JAKMIP3: variants seen among roughly 807,000 people sequenced by gnomAD.
JAKMIP3 encodes the protein janus kinase and microtubule-interacting protein 3.
A neutral mutation model predicts 118.5 loss-of-function variants in JAKMIP3; 58 were observed. The observed-to-expected ratio is 0.49, with a 90% CI of 0.40 to 0.61. The LOEUF (loss-of-function observed/expected upper bound fraction) is 0.61, where lower values mean the gene tolerates loss of function less well. Among genes scored for constraint, JAKMIP3 ranks in the 20% least tolerant of loss-of-function variants. JAKMIP3 has a pLI of 0.00. For synonymous variants in JAKMIP3, 486 were observed against 451.2 expected (o/e 1.08, Z -0.98); for missense variants, 950 against 1,109.0 (o/e 0.86, Z 2.04).
chr10:132,104,867 C>G lies in JAKMIP3; in HGVS notation c.59C>G (p.Ala20Gly), dbSNP rs756701841. The G allele has an allele frequency of 5.1e-6, 8 of 1,563,168 alleles. No homozygotes were observed. The highest frequency in any genetic ancestry group is 6.9e-6 in the Non-Finnish European group (8 of 1,154,388). Residue 20 changes from alanine to glycine, a missense_variant, in exon 2 of 24, where the codon GCG becomes GGG. Physicochemically the swap from Ala to Gly is moderately conservative, Grantham distance 60. Transcript: ENST00000684848. ...AKGDKAEALA[A>G]LQAANEDLRA... ...GGGGACAAGGCAGAGGCCCTCGCGG[C>G]GCTGCAGGCGGCCAACGAGGATCTT...
At chr10:132,175,846 T>C (rs1399866461) in intron 23 of JAKMIP3, among the ~76,000 whole-genome samples, 3 of 152,222 alleles carry the variant, frequency 2.0e-5, no homozygotes, top group Non-Finnish European at 4.4e-5. Flanking sequence ...AAATGTGTAA[T>C]GCTCTGCATC....
Position 132,184,420 on chromosome 10 carries a change from AGT to A in JAKMIP3, c.*3174_*3175del, listed in dbSNP as rs1436563813. ...TCCCATCCTTGAAACCCTGAGAGAG[AGT>A]GTGTGTTTTATCACAGTAATGGAAT... On this transcript the variant is annotated 3_prime_UTR_variant, in exon 24 of 24. Coordinates refer to ENST00000684848, the MANE Select transcript of JAKMIP3 (RefSeq NM_001323087.2). 2 of 152,132 alleles carry A rather than the reference AGT, an allele frequency of 1.3e-5. No homozygotes were observed. The highest frequency in any genetic ancestry group is 1.9e-4 in the East Asian group (1 of 5,194). 9.4% of individuals were successfully genotyped at this position (152,132 alleles called of 1,614,324 possible). A position where few individuals can be genotyped will look rare whatever the true frequency, so the allele number is the denominator to read the frequency against.
At chr10:132,089,122 A>G (rs1484828938) in intron 1 of JAKMIP3, among the ~76,000 whole-genome samples, 1 of 152,148 alleles carries the variant, frequency 6.6e-6, no homozygotes, top group Non-Finnish European at 1.5e-5. Context: ...CTTGTAGTAT[A>G]GTTTGAAGTC....
chr10:132,180,788 T>TGTGTGCGTGTGCGTGTGTGCGC (rs1491365450), intron 23 of JAKMIP3, among the ~76,000 whole-genome samples: 1 of 10,730 alleles, frequency 9.3e-5, no homozygotes, highest in Non-Finnish European at 1.9e-4. Context: ...TGTGTGCGCG[T>TGTGTGCGTGTGCGTGTGTGCGC]ATGCATGTGC....
chr10:132,067,606 TGTGGG>T (rs1432036928), intron 1 of JAKMIP3, among the ~76,000 whole-genome samples: 127 of 34,632 alleles, frequency 3.7e-3, no homozygotes, highest in African/African-American at 0.011. Context: ...CCGTGTGGAC[TGTGGG>T]CTTCCGTGTG....
intron 16 of JAKMIP3, among the ~76,000 whole-genome samples, chr10:132,151,642 G>C (rs1230096914): frequency 6.6e-6 from 1 of 152,238 alleles, no homozygotes; most frequent in Non-Finnish European, 1.5e-5. Context: ...AGTCCCCAAA[G>C]GCACTGCCCA....
rs748120870 is a variant in JAKMIP3, at chr10:132,164,741, A to G, written c.2490+6A>G. 1.9e-6 allele frequency: 3 copies of G among 1,596,156 alleles called. No individual in the cohort carries two copies. Among genetic ancestry groups the G allele is most frequent in the Non-Finnish European group, 2.6e-6 (3 of 1,163,922 alleles). On this transcript the variant is annotated splice_donor_region_variant and intron_variant, in intron 21 of 23. Transcript: ENST00000684848. ...TAAAGGAACTGGAGGAAAAGGTAAA[A>G]CAAATGCAGTTTTGGGGGTTGCTTG...
At chr10:132,134,153 T>C (rs2637642) in intron 4 of JAKMIP3, among the ~76,000 whole-genome samples, 58,686 of 152,088 alleles carry the variant, frequency 0.39, 12,320 homozygotes, top group Non-Finnish European at 0.48. Flanking sequence ...GGTTCTGGGA[T>C]GCGCTGGGGG....
chr10:132,063,571 T>G (rs1388396831), upstream of JAKMIP3, among the ~76,000 whole-genome samples: 1 of 152,190 alleles, frequency 6.6e-6, no homozygotes, highest in African/African-American at 2.4e-5. Flanking sequence ...GAACGCCGGG[T>G]GTCAGCCCGG....
Position 132,152,999 on chromosome 10 carries a change from G to A in JAKMIP3, c.2049G>A (p.Arg683=), listed in dbSNP as rs750968634. ...AGCAGGTGGTTGTCATACAAGCCAGGACAGTCCTGACCTTGGCCGAAAAGG... is the reference window on the plus strand; with the variant it reads ...AGCAGGTGGTTGTCATACAAGCCAGAACAGTCCTGACCTTGGCCGAAAAGG... ...NEEQVVVIQA[R]TVLTLAEKWL... is the part of the protein sequence containing the mutation. The change falls in exon 17 of 24, where the codon AGG becomes AGA. Residue 683 remains arginine, a synonymous_variant. Transcript: ENST00000684848. 2 of 1,609,220 alleles carry A rather than the reference G, an allele frequency of 1.2e-6. No individual in the cohort carries two copies. Among genetic ancestry groups the A allele is most frequent in the Admixed American group, 3.4e-5 (2 of 59,518 alleles).
intron 22 of JAKMIP3, 78 bp from the exon 23 acceptor site, chr10:132,167,875 T>TCGCCCCA: frequency 7.7e-6 from 8 of 1,036,704 alleles, no homozygotes; most frequent in Non-Finnish European, 1.0e-5. Context: ...CCCTCGCCCC[T>TCGCCCCA]CGCCCCTCGG....
chr10:132,037,883 C>G (rs1028792529), intron 1 of JAKMIP3, among the ~76,000 whole-genome samples: 1 of 152,236 alleles, frequency 6.6e-6, no homozygotes, highest in African/African-American at 2.4e-5. Flanking sequence ...TGCTCTGGGG[C>G]TGTAGAGAAC....
chr10:132,157,328 G>A lies in JAKMIP3; in HGVS notation c.2220+3338G>A, dbSNP rs76031248. ...TCACCTGACTGTGCACAGCCAGGGC[G>A]CTTCCCACCAGCCCAAGGAGTGACT... On this transcript the variant is annotated intron_variant, in intron 19 of 23. Coordinates refer to ENST00000684848, the MANE Select transcript of JAKMIP3 (RefSeq NM_001323087.2). 9.6e-3 allele frequency among the ~76,000 whole-genome samples: 1,460 copies of A among 152,168 alleles called. 25 individuals are homozygous for A. Among genetic ancestry groups the A allele is most frequent in the African/African-American group, 0.031 (1,267 of 41,518 alleles).
In JAKMIP3 at chr10:132,127,054, T is replaced by A. The variant is rs2049703738; in HGVS notation, c.634-6258T>A. Reference sequence around the variant, plus strand: ...TGTTTGGAAAATTCACCAGTGAAGCTATTTGGGTCAGGAGTTTTGTGATAT... The same window carrying A: ...TGTTTGGAAAATTCACCAGTGAAGCAATTTGGGTCAGGAGTTTTGTGATAT... On this transcript the variant is annotated intron_variant, in intron 3 of 23. Transcript: ENST00000684848. Among the ~76,000 whole-genome samples, 2 of 152,160 alleles carry A rather than the reference T, an allele frequency of 1.3e-5. 1 individual carries two copies. The highest frequency in any genetic ancestry group is 4.1e-4 in the South Asian group (2 of 4,828).
intron 1 of JAKMIP3, among the ~76,000 whole-genome samples, chr10:132,099,444 G>A (rs529963817): frequency 1.3e-5 from 2 of 152,274 alleles, no homozygotes; most frequent in South Asian, 4.2e-4. Flanking sequence ...TAGGCAATCT[G>A]CACTGTTAAT....
At chr10:132,064,111 C>A (rs565753475), upstream of JAKMIP3, among the ~76,000 whole-genome samples, 1 of 152,140 alleles carries the variant, frequency 6.6e-6, no homozygotes, top group Non-Finnish European at 1.5e-5. This position sits in a 1 kb window ranked among gnomAD's most constrained non-coding sequence, Gnocchi z 4.4. Flanking sequence ...GACGTATGTG[C>A]GTTTCCCATC....
chr10:132,173,006 T>TCCTTCC (rs2059683659), intron 23 of JAKMIP3, among the ~76,000 whole-genome samples: 1 of 16,894 alleles, frequency 5.9e-5, no homozygotes. Context: ...CTTCCCTCTC[T>TCCTTCC]CTCTCTCTCC....
chr10:132,151,413 G>C (rs550408434), intron 16 of JAKMIP3, among the ~76,000 whole-genome samples: 1 of 152,286 alleles, frequency 6.6e-6, no homozygotes, highest in East Asian at 1.9e-4. Context: ...CCCCTGGGGA[G>C]CAGTGAGGCA....
rs139959810 is a variant in JAKMIP3 at position 132,156,905 on chromosome 10, A to G, written c.2220+2915A>G. On this transcript the variant is annotated intron_variant, in intron 19 of 23. Transcript: ENST00000684848. ...TTTTTTCTGAATGAAAGAATAATCA[A>G]TGTATAGTTCTGATTTACAACACAG... is the stretch of plus-strand genomic sequence containing the variant. Among the ~76,000 whole-genome samples the G allele has an allele frequency of 3.0e-3, 455 of 152,322 alleles. 3 individuals carry two copies. The highest frequency in any genetic ancestry group is 0.01 in the African/African-American group (428 of 41,568).
Sources: allele counts gnomAD v4.1 joint callset (sites outside exome capture counted in the v4.1 genomes callset), GRCh38; gene constraint gnomAD v4.1.1; non-coding constraint Gnocchi (gnomAD v3.1); transcripts MANE v1.5; gene names NCBI Gene and HGNC (gene_info 2026-07-23, HGNC 2026-07-21).